OVCH1: variants seen among roughly 807,000 people sequenced by gnomAD.
OVCH1 encodes the protein ovochymase-1.
Under a neutral mutation model 138.4 loss-of-function variants are expected in OVCH1, and 139 were observed. The ratio of observed to expected loss-of-function variants is 1.00; its 90% CI spans 0.87 to 1.16. The LOEUF is 1.16. OVCH1 is among the 50% of genes most tolerant of loss of function. The pLI, the probability that OVCH1 is intolerant of heterozygous loss-of-function variation, is 0.00. For missense variants in OVCH1, 1,367 were observed against 1,357.9 expected (o/e 1.01, Z -0.11); for synonymous variants, 453 against 467.8 (o/e 0.97, Z 0.41).
At chr12:29,407,394 T>G in the OVCH1 span, among the ~76,000 whole-genome samples, 2 of 149,336 alleles carry the variant, frequency 1.3e-5, no homozygotes, top group Non-Finnish European at 1.5e-5. Context: ...GCCTATGTAC[T>G]GAATGGTATT....
At chr12:29,420,272 T>C (rs1301690664) in intron 3 of OVCH1, among the ~76,000 whole-genome samples, 1 of 152,174 alleles carries the variant, frequency 6.6e-6, no homozygotes, top group East Asian at 1.9e-4. Flanking sequence ...GAACTTTCTA[T>C]ATTTATTTTG....
At position 29,454,873 on chromosome 12, in the gene OVCH1, G is replaced by C. The variant is rs1418146676; in HGVS notation, c.2498C>G (p.Pro833Arg). ...AGATGCACTGTCTGGTGAAGGTGTG[G>C]GTGGTGGCAATTGTTGTTTTAAGGT... Residue 833 changes from proline (P) to arginine (R), a missense_variant, in exon 21 of 28, where the codon CCC becomes CGC. By Grantham distance (103) the Pro-to-Arg change is moderately radical. Coordinates refer to ENST00000318184, the Ensembl canonical transcript of OVCH1. 1 of 1,612,546 alleles carries C rather than the reference G, an allele frequency of 6.2e-7. No individual in the cohort carries two copies. Among genetic ancestry groups the C allele is most frequent in the Non-Finnish European group, 8.5e-7 (1 of 1,178,926 alleles).
chr12:29,430,912 G>T, intron 27 of OVCH1: 1 of 518,280 alleles, frequency 1.9e-6, no homozygotes, highest in Non-Finnish European at 3.9e-6. Flanking sequence ...ACCTCTAGCT[G>T]CCCTCCCAGA....
chr12:29,444,334 T>G (rs915350741), intron 23 of OVCH1, 54 bp from the exon 24 acceptor site: 41 of 1,543,758 alleles, frequency 2.7e-5, no homozygotes, highest in Non-Finnish European at 3.5e-5. Flanking sequence ...TTAACAGGCT[T>G]CCTATATGCC....
At chr12:29,447,335 A>G (rs913523676) in intron 22 of OVCH1, among the ~76,000 whole-genome samples, 1 of 152,100 alleles carries the variant, frequency 6.6e-6, no homozygotes, top group East Asian at 1.9e-4. Flanking sequence ...AATTATCTCC[A>G]TTAATGATTA....
intron 5 of OVCH1, among the ~76,000 whole-genome samples, chr12:29,490,658 T>C (rs1030209252): frequency 2.6e-5 from 4 of 152,222 alleles, no homozygotes; most frequent in African/African-American, 9.6e-5. Context: ...TTCCAGAACT[T>C]ACTTGTCATA....
At chr12:29,474,571 C>T (rs945899587) in intron 14 of OVCH1, among the ~76,000 whole-genome samples, 1 of 152,160 alleles carries the variant, frequency 6.6e-6, no homozygotes, top group Non-Finnish European at 1.5e-5. Context: ...TTCTATTATT[C>T]CCTCCAAAAC....
At position 29,486,361 on chromosome 12, in the gene OVCH1, TAAG is replaced by T; in HGVS notation, c.893-16_893-14del. On this transcript the variant is annotated splice_polypyrimidine_tract_variant and intron_variant, in intron 7 of 27. Coordinates refer to ENST00000318184, the Ensembl canonical transcript of OVCH1. ...CCCCGATCCAAACCTGTAAAAGGTA[TAAG>T]GAGTTAGTGCCTTTCCCAATAATAA... 6.3e-7 allele frequency: 1 copy of T among 1,581,306 alleles called. No homozygotes were observed. Among genetic ancestry groups the T allele is most frequent in the Non-Finnish European group, 8.7e-7 (1 of 1,154,184 alleles).
At position 29,451,338 on chromosome 12, in the gene OVCH1, G is replaced by T. The variant is rs1941788970; in HGVS notation, c.2755+7C>A. The stretch of plus-strand genomic sequence containing the variant: ...TAGCACGAAGTTTATATGCCAGGAA[G>T]GATTACCTGCCGTCTTTCTCTTACT... On this transcript the variant is annotated splice_region_variant and intron_variant, in intron 22 of 27. Transcript: ENST00000318184. 4 of 1,607,336 alleles carry T rather than the reference G, an allele frequency of 2.5e-6. No homozygotes were observed. The African/African-American group carries it at 5.4e-5, about 22-fold the overall frequency.
intron 1 of OVCH1, among the ~76,000 whole-genome samples, chr12:29,496,929 T>A (rs1943434410): frequency 6.6e-6 from 1 of 152,212 alleles, no homozygotes; most frequent in South Asian, 2.1e-4. Context: ...CTGCCTCTGG[T>A]AGGTGACTTG....
intron 16 of OVCH1, among the ~76,000 whole-genome samples, chr12:29,467,490 C>T (rs1419428673): frequency 1.3e-5 from 2 of 152,122 alleles, no homozygotes; most frequent in Non-Finnish European, 2.9e-5. Context: ...TCTTCCCCCT[C>T]TCCCATATAA....
chr12:29,405,939 A>G, the OVCH1 span, among the ~76,000 whole-genome samples: 2 of 152,210 alleles, frequency 1.3e-5, no homozygotes, highest in Non-Finnish European at 2.9e-5. Flanking sequence ...TCAGTTGTAC[A>G]ATACAGTAGG....
intron 27 of OVCH1, chr12:29,427,746 G>A (rs1385316088): frequency 6.8e-7 from 1 of 1,476,086 alleles, no homozygotes; most frequent in Admixed American, 2.1e-5. Context: ...GGGAAGCCAG[G>A]AGAGTAGCAA....
At chr12:29,487,506 G>A (rs557283083) in intron 7 of OVCH1, 187 bp downstream of exon 7, 8 of 519,210 alleles carry the variant, frequency 1.5e-5, no homozygotes, top group Middle Eastern at 5.1e-4. Context: ...CAGGGATTTG[G>A]TTTGTTCAAG....
At chr12:29,496,495 G>A (rs1943421317) in intron 2 of OVCH1, 61 bp downstream of exon 2, 19 of 1,435,838 alleles carry the variant, frequency 1.3e-5, no homozygotes, top group Middle Eastern at 1.9e-4. Flanking sequence ...TCTTGCTTTC[G>A]AAACAAAGGA....
intron 21 of OVCH1, among the ~76,000 whole-genome samples, chr12:29,452,862 T>C (rs1941836158): frequency 1.3e-5 from 2 of 152,172 alleles, no homozygotes; most frequent in Admixed American, 1.3e-4. Context: ...ACATTTTGTC[T>C]CCGAAAATAA....
At chr12:29,424,370 C>T (rs879604500), downstream of OVCH1, among the ~76,000 whole-genome samples, 3 of 152,224 alleles carry the variant, frequency 2.0e-5, no homozygotes, top group Non-Finnish European at 4.4e-5. Context: ...AACCTTCCAG[C>T]ATGGGCATCA....
chr12:29,451,369 T>G (rs1293776170), exon 22 of OVCH1: 1 of 1,612,890 alleles, frequency 6.2e-7, no homozygotes, highest in Non-Finnish European at 8.5e-7. Flanking sequence ...TTACTGTGTC[T>G]TTCTTCATAA....
exon 22 of OVCH1, chr12:29,451,545 T>G: frequency 6.2e-7 from 1 of 1,612,020 alleles, no homozygotes; most frequent in South Asian, 1.1e-5. Flanking sequence ...TCTAGGCTTT[T>G]CTAGCTCTGC....
Sources: gnomAD v4.1 joint callset for allele counts (sites outside exome capture counted in the v4.1 genomes callset) on GRCh38, gnomAD v4.1.1 for gene constraint, MANE v1.5 for transcripts, NCBI Gene and HGNC (gene_info 2026-07-23, HGNC 2026-07-21) for gene names.